SSBP2: variants seen among roughly 807,000 people sequenced by gnomAD.
SSBP2 encodes single-stranded DNA-binding protein 2.
SSBP2 carries 17 observed loss-of-function variants against 61.8 expected under a neutral mutation model. That is an observed-to-expected ratio of 0.28 (90% CI 0.19 to 0.41). The LOEUF (loss-of-function observed/expected upper bound fraction) is 0.41. Among genes scored for constraint, SSBP2 ranks in the 10% least tolerant of loss-of-function variants. The pLI, the probability that SSBP2 is intolerant of heterozygous loss-of-function variation, is 1.00. For synonymous variants in SSBP2, 139 were observed against 141.3 expected (o/e 0.98, Z 0.12); for missense variants, 310 against 458.7 (o/e 0.68, Z 2.96).
chr5:81,746,918 G>A (rs1026496157), intron 1 of SSBP2, among the ~76,000 whole-genome samples: 1 of 150,430 alleles, frequency 6.6e-6, no homozygotes. Context: ...CTCTTTCTGC[G>A]GTAGTGTGGC....
At chr5:81,707,703 G>T (rs77355409) in intron 1 of SSBP2, among the ~76,000 whole-genome samples, 1 of 152,108 alleles carries the variant, frequency 6.6e-6, no homozygotes, top group Non-Finnish European at 1.5e-5. Flanking sequence ...GGCTGTAAGG[G>T]AAACACAAAA....
At chr5:81,653,298 T>C (rs1425853702) in intron 1 of SSBP2, among the ~76,000 whole-genome samples, 1 of 152,130 alleles carries the variant, frequency 6.6e-6, no homozygotes, top group Non-Finnish European at 1.5e-5. Context: ...TATGGCTTCA[T>C]AGTATTCCAC....
At chr5:81,563,906 TG>T (rs1006401533) in intron 4 of SSBP2, among the ~76,000 whole-genome samples, 1 of 152,090 alleles carries the variant, frequency 6.6e-6, no homozygotes, top group African/African-American at 2.4e-5. Flanking sequence ...CAAACTAAAA[TG>T]GATAGCAAAG....
intron 1 of SSBP2, among the ~76,000 whole-genome samples, chr5:81,714,222 G>A (rs201078871): frequency 1.3e-5 from 2 of 152,094 alleles, no homozygotes; most frequent in African/African-American, 2.4e-5. Context: ...CCATGTCCCT[G>A]CAAAGGACAT....
intron 1 of SSBP2, among the ~76,000 whole-genome samples, chr5:81,745,382 A>G (rs1002606889): frequency 1.2e-4 from 18 of 152,142 alleles, no homozygotes; most frequent in African/African-American, 3.9e-4. Context: ...TACATGCTAC[A>G]TTTGTAAAAT....
chr5:81,685,034 A>G (rs529367375), intron 1 of SSBP2, among the ~76,000 whole-genome samples: 1 of 151,948 alleles, frequency 6.6e-6, no homozygotes, highest in South Asian at 2.1e-4. Flanking sequence ...TGTGATAGTG[A>G]GTTCTCACGA....
At chr5:81,593,823 A>G (rs1174094541) in intron 4 of SSBP2, among the ~76,000 whole-genome samples, 10 of 152,208 alleles carry the variant, frequency 6.6e-5, no homozygotes, top group Admixed American at 4.6e-4. Flanking sequence ...GCCTGCCCTA[A>G]AGGAACTCCT....
At chr5:81,485,656 T>C (rs904382960) in intron 6 of SSBP2, among the ~76,000 whole-genome samples, 4 of 152,114 alleles carry the variant, frequency 2.6e-5, no homozygotes, top group Non-Finnish European at 5.9e-5. Context: ...AATAAACACA[T>C]TAGTGGATTT....
chr5:81,730,947 T>G (rs1456454142), intron 1 of SSBP2, among the ~76,000 whole-genome samples: 1 of 152,190 alleles, frequency 6.6e-6, no homozygotes, highest in African/African-American at 2.4e-5. Flanking sequence ...CACAGAAAAT[T>G]TACAATCTTA....
chr5:81,559,582 A>G (rs899399274), intron 4 of SSBP2, among the ~76,000 whole-genome samples: 1 of 151,862 alleles, frequency 6.6e-6, no homozygotes, highest in East Asian at 1.9e-4. Flanking sequence ...GAAACAAATA[A>G]TAGAAATGAA....
intron 16 of SSBP2, among the ~76,000 whole-genome samples, chr5:81,422,469 T>C (rs1169402362): frequency 6.6e-6 from 1 of 152,162 alleles, no homozygotes; most frequent in Non-Finnish European, 1.5e-5. Context: ...AAAGGGTCAC[T>C]GGACCATAGG....
chr5:81,649,232 T>C (rs533849056), intron 2 of SSBP2, among the ~76,000 whole-genome samples: 1 of 152,218 alleles, frequency 6.6e-6, no homozygotes, highest in African/African-American at 2.4e-5. Context: ...AAATTTCTTA[T>C]AAGAATTAGA....
chr5:81,421,154 T>G (rs1472104675), intron 16 of SSBP2, among the ~76,000 whole-genome samples: 1 of 152,184 alleles, frequency 6.6e-6, no homozygotes, highest in Non-Finnish European at 1.5e-5. Flanking sequence ...TAATTTATAC[T>G]TCAGCATTTA....
intron 1 of SSBP2, among the ~76,000 whole-genome samples, chr5:81,663,802 A>T (rs1016173410): frequency 2.6e-5 from 4 of 152,218 alleles, no homozygotes; most frequent in African/African-American, 9.6e-5. Context: ...GTTGAAACTG[A>T]AAAGTAGCCA....
At chr5:81,508,806 A>AT (rs1395833646) in intron 5 of SSBP2, among the ~76,000 whole-genome samples, 2 of 152,144 alleles carry the variant, frequency 1.3e-5, no homozygotes, top group Non-Finnish European at 2.9e-5. Context: ...GTTTCAATGT[A>AT]TTTTTTAGAG....
At chr5:81,524,719 T>C (rs868669468) in intron 4 of SSBP2, among the ~76,000 whole-genome samples, 12 of 152,064 alleles carry the variant, frequency 7.9e-5, no homozygotes, top group Admixed American at 1.3e-4. Flanking sequence ...CCTGGTCTCA[T>C]AGCTCTTTTA....
intron 6 of SSBP2, among the ~76,000 whole-genome samples, chr5:81,484,480 G>A (rs1011451606): frequency 2.6e-5 from 4 of 151,784 alleles, no homozygotes; most frequent in Non-Finnish European, 5.9e-5. Flanking sequence ...TATATCTCAG[G>A]ATAAACTCAA....
intron 4 of SSBP2, among the ~76,000 whole-genome samples, chr5:81,556,621 A>G (rs1391160918): frequency 2.0e-5 from 3 of 152,062 alleles, no homozygotes; most frequent in Admixed American, 1.3e-4. Flanking sequence ...TACTTTTACT[A>G]TGGATCCTAT....
intron 16 of SSBP2, among the ~76,000 whole-genome samples, chr5:81,422,571 C>T (rs748836364): frequency 7.2e-5 from 11 of 151,962 alleles, no homozygotes; most frequent in Non-Finnish European, 1.3e-4. Context: ...AGTTTCAGTA[C>T]AGGAAAGTGA....
Sources: gnomAD v4.1 joint callset for allele counts (sites outside exome capture counted in the v4.1 genomes callset) on GRCh38, gnomAD v4.1.1 for gene constraint, MANE v1.5 for transcripts, NCBI Gene and HGNC (gene_info 2026-07-23, HGNC 2026-07-21) for gene names.